Variants in ABR observed in about 807,000 individuals in gnomAD.
ABR encodes the protein active breakpoint cluster region-related protein.
ABR carries 35 observed loss-of-function variants against 107.2 expected under a neutral mutation model. The ratio of observed to expected loss-of-function variants is 0.33; its 90% confidence interval spans 0.25 to 0.43. ABR has a LOEUF of 0.43. Among genes scored for constraint, ABR ranks in the 20% least tolerant of loss-of-function variants. The pLI is 1.00. For missense variants in ABR, 815 were observed against 1,115.2 expected, an observed-to-expected ratio of 0.73 and a Z score of 3.83; for synonymous variants, 498 against 462.0, an observed-to-expected ratio of 1.08 and a Z score of -1.00.
chr17:1,050,504 G>T lies in ABR; in HGVS notation c.1659+33C>A. The T allele has an allele frequency of 6.3e-7, 1 of 1,591,388 alleles. No individual in the cohort carries two copies. Reference sequence around the variant, plus strand: ...CAAGCCACGAGCACGGGGTGGTGGGGTCCCCACAGAGATGCCAGCCCCTGC... The same window carrying T: ...CAAGCCACGAGCACGGGGTGGTGGGTTCCCCACAGAGATGCCAGCCCCTGC... On this transcript the variant is annotated intron_variant, in intron 15 of 22. Transcript: ENST00000302538. This position sits in a 1 kb window ranked among gnomAD's most constrained non-coding sequence, Gnocchi z 4.6.
intron 16 of ABR, among the ~76,000 whole-genome samples, chr17:1,019,870 T>C (rs2150804988): frequency 6.6e-6 from 1 of 152,280 alleles, no homozygotes; most frequent in Admixed American, 6.5e-5. Context: ...GGGGGATGTC[T>C]GATCACCTGA....
At chr17:1,185,950 C>T (rs62070502) in intron 1 of ABR, among the ~76,000 whole-genome samples, 75,655 of 151,714 alleles carry the variant, frequency 0.5, 23,016 homozygotes, top group Non-Finnish European at 0.69. Flanking sequence ...ATTCTCCTGC[C>T]TCAGCCTCCC....
intron 3 of ABR, among the ~76,000 whole-genome samples, chr17:1,094,078 G>A (rs900631746): frequency 1.3e-5 from 2 of 151,616 alleles, no homozygotes; most frequent in African/African-American, 2.4e-5. Flanking sequence ...GACCCTCACC[G>A]TCCTAGAACC....
At chr17:1,149,427 T>G (rs1476370096) in intron 1 of ABR, among the ~76,000 whole-genome samples, 1 of 145,034 alleles carries the variant, frequency 6.9e-6, no homozygotes, top group East Asian at 2.0e-4. Flanking sequence ...TGGTTTTAGT[T>G]TTTTTTTTTT....
intron 16 of ABR, among the ~76,000 whole-genome samples, chr17:1,029,796 G>A (rs569614387): frequency 1.3e-4 from 12 of 92,608 alleles, no homozygotes; most frequent in African/African-American, 2.5e-4. Context: ...ACGTCCCTCC[G>A]TCCACCACAG....
At chr17:1,188,713 G>C (rs1005960116), upstream of ABR, among the ~76,000 whole-genome samples, 2 of 152,146 alleles carry the variant, frequency 1.3e-5, no homozygotes, top group African/African-American at 4.8e-5. Flanking sequence ...ACAGGATGGC[G>C]GATGGCGAGT....
chr17:1,157,324 C>A lies in ABR; in HGVS notation c.61+22343G>T, dbSNP rs2041084196. Among the ~76,000 whole-genome samples the A allele has an allele frequency of 6.6e-6, 1 of 150,692 alleles. No homozygotes were observed. Among genetic ancestry groups the A allele is most frequent in the South Asian group, 2.1e-4 (1 of 4,774 alleles). On this transcript the variant is annotated intron_variant, in intron 1 of 22. Transcript: ENST00000302538. This position sits in a 1 kb window ranked among gnomAD's most constrained non-coding sequence, Gnocchi z 4.7. ...GGAGTGCAAAGGTGCAACCTTAGCTCACTGCAACCTCCACCTCCCGGGTTC... is the reference window on the plus strand; with the variant it reads ...GGAGTGCAAAGGTGCAACCTTAGCTAACTGCAACCTCCACCTCCCGGGTTC...
At chr17:1,075,017 T>G (rs927737444) in intron 6 of ABR, among the ~76,000 whole-genome samples, 2 of 151,900 alleles carry the variant, frequency 1.3e-5, no homozygotes, top group Non-Finnish European at 2.9e-5. Context: ...CTGAAGCAAC[T>G]CAGGTTAGGC....
At chr17:1,014,320 A>G (rs1376174578) in intron 16 of ABR, among the ~76,000 whole-genome samples, 1 of 132,420 alleles carries the variant, frequency 7.6e-6, no homozygotes, top group Non-Finnish European at 1.6e-5. Context: ...GGGCGCCTGT[A>G]GTCCCAGCTA....
At chr17:1,038,286 C>T (rs73285594) in intron 16 of ABR, among the ~76,000 whole-genome samples, 2,476 of 152,336 alleles carry the variant, frequency 0.016, 29 homozygotes, top group African/African-American at 0.023. Context: ...CGCTCTCCCT[C>T]GGGGTGGGGG....
At chr17:1,209,483 G>T (rs539397308) in intron 1 of ABR, among the ~76,000 whole-genome samples, 2 of 152,218 alleles carry the variant, frequency 1.3e-5, no homozygotes, top group African/African-American at 4.8e-5. Flanking sequence ...TGCCATGTTG[G>T]CCAGGCTGGT....
chr17:1,036,724 C>G (rs546110563), intron 16 of ABR, among the ~76,000 whole-genome samples: 2 of 152,142 alleles, frequency 1.3e-5, no homozygotes, highest in South Asian at 4.2e-4. Flanking sequence ...GGAGTGTCCC[C>G]CAACTCGGTG....
At chr17:1,177,423 A>G (rs1349293819) in intron 1 of ABR, among the ~76,000 whole-genome samples, 1 of 152,204 alleles carries the variant, frequency 6.6e-6, no homozygotes, top group Non-Finnish European at 1.5e-5. Flanking sequence ...GGGCAGCAGC[A>G]GGAGGGTAGA....
chr17:1,082,439 A>T (rs142947246), intron 5 of ABR, among the ~76,000 whole-genome samples: 19 of 148,230 alleles, frequency 1.3e-4, no homozygotes, highest in East Asian at 6.5e-4. Context: ...CCCAGCCAGG[A>T]AGGCTGGGCC....
chr17:1,182,708 G>C (rs1239995756), upstream of ABR, among the ~76,000 whole-genome samples: 1 of 152,180 alleles, frequency 6.6e-6, no homozygotes, highest in African/African-American at 2.4e-5. Flanking sequence ...TCCACGGCCA[G>C]CTAACTGGTG....
intron 1 of ABR, among the ~76,000 whole-genome samples, chr17:1,171,260 G>A (rs1487621791): frequency 6.6e-6 from 1 of 152,178 alleles, no homozygotes; most frequent in African/African-American, 2.4e-5. Context: ...TTAAACCTTT[G>A]CTGCTGACCA....
At chr17:1,079,788 C>CAAAAAAAAAAAAA (rs57412625) in intron 5 of ABR, among the ~76,000 whole-genome samples, 9 of 55,110 alleles carry the variant, frequency 1.6e-4, no homozygotes, top group African/African-American at 3.9e-4. Context: ...GACTCTGTCT[C>CAAAAAAAAAAAAA]AAAAAAAAAA....
At chr17:1,034,456 C>T (rs1597465651) in intron 16 of ABR, among the ~76,000 whole-genome samples, 2 of 152,296 alleles carry the variant, frequency 1.3e-5, no homozygotes, top group South Asian at 2.1e-4. Flanking sequence ...AGGCACCACG[C>T]CCAGATGGAC....
At chr17:1,079,181 TCACACTCACA>T (rs2035999213) in intron 6 of ABR, 139 bp downstream of exon 6, 13 of 1,472,650 alleles carry the variant, frequency 8.8e-6, no homozygotes, top group Non-Finnish European at 1.1e-5. Flanking sequence ...CGCACTCAGC[TCACACTCACA>T]CGCGCTCACA....
Sources: allele counts gnomAD v4.1 joint callset (sites outside exome capture counted in the v4.1 genomes callset), GRCh38; gene constraint gnomAD v4.1.1; non-coding constraint Gnocchi (gnomAD v3.1); transcripts MANE v1.5; gene names NCBI Gene and HGNC (gene_info 2026-07-23, HGNC 2026-07-21).